The following FOXN2 variants were observed in gnomAD, a reference collection of about 807,000 sequenced individuals.
The protein encoded by FOXN2 is forkhead box protein N2.
A neutral mutation model predicts 41.2 loss-of-function variants in FOXN2; 19 were observed. The observed-to-expected ratio is 0.46, with a 90% confidence interval of 0.32 to 0.68. FOXN2 has a LOEUF of 0.68. Ranked by LOEUF, FOXN2 falls within the 30% of genes least tolerant of loss-of-function variation. FOXN2 has a pLI of 0.03. For missense variants in FOXN2, 587 were observed against 509.4 expected (o/e 1.15, Z -1.47); for synonymous variants, 195 against 176.8 (o/e 1.10, Z -0.82).
intron 5 of FOXN2, among the ~76,000 whole-genome samples, chr2:48,365,121 C>A (rs1397653778): frequency 6.6e-6 from 1 of 152,064 alleles, no homozygotes; most frequent in Non-Finnish European, 1.5e-5. Context: ...TAGAAAATTT[C>A]AGATGAAAAC....
At chr2:48,317,849 C>T (rs140518756) in intron 1 of FOXN2, among the ~76,000 whole-genome samples, 23 of 151,850 alleles carry the variant, frequency 1.5e-4, no homozygotes, top group African/African-American at 4.8e-4. Context: ...CTCAGGTATC[C>T]GCCTGCCTCA....
chr2:48,364,460 T>G (rs544633252), intron 5 of FOXN2, among the ~76,000 whole-genome samples: 1 of 152,280 alleles, frequency 6.6e-6, no homozygotes, highest in South Asian at 2.1e-4. Context: ...ATAGATACAC[T>G]TGCATGCGTG....
intron 2 of FOXN2, among the ~76,000 whole-genome samples, chr2:48,342,934 T>G (rs1476624308): frequency 6.6e-6 from 1 of 152,232 alleles, no homozygotes; most frequent in East Asian, 1.9e-4. Flanking sequence ...TCTTTACATC[T>G]TAATGAAATT....
chr2:48,351,354 G>A (rs372217003), intron 3 of FOXN2, among the ~76,000 whole-genome samples: 9 of 151,970 alleles, frequency 5.9e-5, no homozygotes, highest in East Asian at 5.8e-4. Flanking sequence ...GGTTCCTGGC[G>A]TGAAGGAGTT....
At chr2:48,361,882 T>C (rs1672213618) in intron 4 of FOXN2, among the ~76,000 whole-genome samples, 1 of 152,206 alleles carries the variant, frequency 6.6e-6, no homozygotes, top group African/African-American at 2.4e-5. Context: ...CTACCAAGTG[T>C]TCCTTAACCA....
At chr2:48,357,522 C>T (rs1249551425) in intron 3 of FOXN2, among the ~76,000 whole-genome samples, 2 of 148,372 alleles carry the variant, frequency 1.3e-5, no homozygotes, top group Non-Finnish European at 3.0e-5. Flanking sequence ...TTTTTTGAGA[C>T]AGCGTTTCAC....
chr2:48,366,670 A>G (rs1398871119), intron 5 of FOXN2, among the ~76,000 whole-genome samples: 1 of 151,900 alleles, frequency 6.6e-6, no homozygotes, highest in East Asian at 1.9e-4. Flanking sequence ...GCATTATCTA[A>G]TTTAATCCTT....
intron 3 of FOXN2, among the ~76,000 whole-genome samples, chr2:48,351,587 C>G (rs901992069): frequency 2.6e-5 from 4 of 152,146 alleles, no homozygotes; most frequent in Admixed American, 6.5e-5. Flanking sequence ...TGTTCCACCT[C>G]AGATCATCAG....
chr2:48,365,740 G>T (rs1471761731), intron 5 of FOXN2, among the ~76,000 whole-genome samples: 1 of 152,132 alleles, frequency 6.6e-6, no homozygotes, highest in Non-Finnish European at 1.5e-5. Flanking sequence ...TTAGTGGGGA[G>T]GTCGTTGGCA....
chr2:48,334,875 G>A (rs1398231303), intron 2 of FOXN2, among the ~76,000 whole-genome samples: 1 of 152,114 alleles, frequency 6.6e-6, no homozygotes, highest in Non-Finnish European at 1.5e-5. Flanking sequence ...TTTTCTTCTA[G>A]AATATTACTG....
At chr2:48,374,685 C>G (rs1673116608) in intron 6 of FOXN2, among the ~76,000 whole-genome samples, 1 of 152,040 alleles carries the variant, frequency 6.6e-6, no homozygotes, top group South Asian at 2.1e-4. Context: ...TCCTTGTAAG[C>G]AATTCAAAAT....
chr2:48,326,590 T>C (rs1669690695), intron 1 of FOXN2, among the ~76,000 whole-genome samples: 1 of 152,200 alleles, frequency 6.6e-6, no homozygotes, highest in South Asian at 2.1e-4. Flanking sequence ...TTTCCATTCA[T>C]GTATACTGGT....
chr2:48,331,602 G>A (rs999045864), intron 2 of FOXN2, among the ~76,000 whole-genome samples: 9 of 152,068 alleles, frequency 5.9e-5, no homozygotes, highest in Non-Finnish European at 1.2e-4. Flanking sequence ...AGGATCACTT[G>A]AGCCCAGGAG....
chr2:48,369,940 C>T (rs1672779822), intron 5 of FOXN2, among the ~76,000 whole-genome samples: 1 of 151,250 alleles, frequency 6.6e-6, no homozygotes, highest in Non-Finnish European at 1.5e-5. Context: ...GTTGAGGCTA[C>T]AGTGAGCCAT....
chr2:48,341,085 A>G (rs1339164559), intron 2 of FOXN2, among the ~76,000 whole-genome samples: 1 of 152,044 alleles, frequency 6.6e-6, no homozygotes, highest in African/African-American at 2.4e-5. Context: ...CTTTTTTTTG[A>G]GTAATATTTG....
At chr2:48,361,371 C>G (rs1455437681) in intron 4 of FOXN2, among the ~76,000 whole-genome samples, 1 of 150,202 alleles carries the variant, frequency 6.7e-6, no homozygotes, top group Non-Finnish European at 1.5e-5. Context: ...GAGGCTGAGG[C>G]AAGAGAATCA....
rs920733306 is a variant in FOXN2 at position 48,314,787 on chromosome 2, G to T, written c.-184G>T. On this transcript the variant is annotated 5_prime_UTR_variant, in exon 1 of 7. Coordinates refer to ENST00000340553, the MANE Select transcript of FOXN2 (RefSeq NM_002158.4). ...CTGCCATATTGTGTCTTCCCCGGCC[G>T]GTCCCTCGCCTCCCGGCCGAGCTGA... 4 of 152,184 alleles carry T rather than the reference G, an allele frequency of 2.6e-5. No homozygotes were observed. The highest frequency in any genetic ancestry group is 1.3e-4 in the Admixed American group (2 of 15,280). The allele number at this position is 152,184 out of a possible 1,614,324, so 9.4% of individuals were successfully genotyped here. A position where few individuals can be genotyped will look rare whatever the true frequency, so the allele number is the denominator to read the frequency against.
At chr2:48,315,065 A>T (rs572483279) in intron 1 of FOXN2, among the ~76,000 whole-genome samples, 5 of 151,268 alleles carry the variant, frequency 3.3e-5, no homozygotes, top group Admixed American at 2.0e-4. Flanking sequence ...GTGGCTTGTG[A>T]GGAGTTAGGA....
intron 4 of FOXN2, 118 bp from the exon 5 acceptor site, chr2:48,362,525 T>C: frequency 1.3e-6 from 1 of 768,848 alleles, no homozygotes; most frequent in East Asian, 2.7e-5. Flanking sequence ...GCTGAAATCA[T>C]GCCACTGCAC....
Sources: allele counts gnomAD v4.1 joint callset (sites outside exome capture counted in the v4.1 genomes callset), GRCh38; gene constraint gnomAD v4.1.1; transcripts MANE v1.5; gene names NCBI Gene and HGNC (gene_info 2026-07-23, HGNC 2026-07-21).